The following PRDM16 variants were observed in gnomAD, a reference collection of about 807,000 sequenced individuals.
PRDM16 encodes the protein PR/SET domain 16.
Under a neutral mutation model 110.6 loss-of-function variants are expected in PRDM16, and 23 were observed. The ratio of observed to expected loss-of-function variants is 0.21; its 90% CI spans 0.15 to 0.29. PRDM16 has a LOEUF of 0.29. Ranked by LOEUF, PRDM16 falls within the 10% of genes least tolerant of loss-of-function variation. The pLI, the probability that PRDM16 is intolerant of heterozygous loss-of-function variation, is 1.00. For synonymous variants in PRDM16, 799 were observed against 781.8 expected (o/e 1.02, Z -0.37); for missense variants, 1,615 against 1,794.3 (o/e 0.90, Z 1.81).
At chr1:3,238,561 A>G (rs1005655037) in intron 2 of PRDM16, among the ~76,000 whole-genome samples, 1 of 152,224 alleles carries the variant, frequency 6.6e-6, no homozygotes, top group Admixed American at 6.5e-5. Context: ...TGAGAGCGCA[A>G]GGGTTTGTGT....
chr1:3,433,504 C>T (rs544300341), intron 16 of PRDM16, among the ~76,000 whole-genome samples, 173 bp from the exon 17 acceptor site: 2 of 145,354 alleles, frequency 1.4e-5, no homozygotes, highest in Non-Finnish European at 3.0e-5. Flanking sequence ...GGATGGCCCG[C>T]CCTGCCCACG....
chr1:3,161,324 G>A (rs924920207), intron 1 of PRDM16, among the ~76,000 whole-genome samples: 9 of 152,240 alleles, frequency 5.9e-5, no homozygotes, highest in Admixed American at 5.2e-4. Flanking sequence ...CAGAGCCGGG[G>A]AGGGTTCTTT....
At chr1:3,202,940 T>C (rs557911522) in intron 2 of PRDM16, among the ~76,000 whole-genome samples, 6 of 152,238 alleles carry the variant, frequency 3.9e-5, no homozygotes, top group African/African-American at 1.4e-4. Flanking sequence ...AACGTGGCGG[T>C]TGGTGTGGGG....
chr1:3,296,113 CCACTCCGAGGGTCTCACTTCCTTA>C (rs1474319063), intron 3 of PRDM16, among the ~76,000 whole-genome samples: 1 of 152,188 alleles, frequency 6.6e-6, no homozygotes, highest in Admixed American at 6.5e-5. Flanking sequence ...CTGCTCAGAT[CCACTCCGAGGGTCTCACTTCCTTA>C]CGTTCCGGAA....
In PRDM16 at chr1:3,229,673, C is replaced by T. The variant is rs141502389; in HGVS notation, c.388-14414C>T. Among the ~76,000 whole-genome samples the T allele has an allele frequency of 2.4e-3, 364 of 152,296 alleles. 1 individual carries two copies. Among genetic ancestry groups the T allele is most frequent in the Non-Finnish European group, 3.7e-3 (253 of 68,018 alleles). ...TCACTGAACCTGCTGTCCGTGCTGA[C>T]CTCCTGCAGCTGGAGACAAACCAGG... On this transcript the variant is annotated intron_variant, in intron 2 of 16. Transcript: ENST00000270722.
At chr1:3,402,718 T>A in intron 5 of PRDM16, 73 bp from the exon 6 acceptor site, 1 of 1,365,328 alleles carries the variant, frequency 7.3e-7, no homozygotes, top group Non-Finnish European at 1.0e-6. Flanking sequence ...GGGGGCCAGG[T>A]CTCCAGAGTC....
At chr1:3,163,710 G>A (rs1444064405) in intron 1 of PRDM16, among the ~76,000 whole-genome samples, 4 of 152,276 alleles carry the variant, frequency 2.6e-5, no homozygotes, top group Middle Eastern at 6.8e-3. Flanking sequence ...CATCTTTGGC[G>A]TTCCCTAGTT....
chr1:3,311,139 C>T (rs1319135984), intron 3 of PRDM16, among the ~76,000 whole-genome samples: 2 of 152,176 alleles, frequency 1.3e-5, no homozygotes, highest in Non-Finnish European at 2.9e-5. Flanking sequence ...AGGGTTAACC[C>T]GCCGAGGGCT....
rs146285392 is a variant in PRDM16, at chr1:3,246,477, C to T, written c.438+2340C>T. ...CAGCGCAGGGTACCAGAGCCAGCAT[C>T]GGGGGCGTTGGTGGGCGGTCCTGTC... On this transcript the variant is annotated intron_variant, in intron 3 of 16. Transcript: ENST00000270722. This position sits in a 1 kb window ranked among gnomAD's most constrained non-coding sequence, Gnocchi z 5.2. Among the ~76,000 whole-genome samples the T allele has an allele frequency of 0.01, 1,586 of 152,300 alleles. 10 individuals carry two copies. The highest frequency in any genetic ancestry group is 0.016 in the South Asian group (75 of 4,818).
intron 1 of PRDM16, among the ~76,000 whole-genome samples, chr1:3,123,163 G>A (rs184750453): frequency 2.0e-5 from 3 of 152,340 alleles, no homozygotes; most frequent in Non-Finnish European, 2.9e-5. Context: ...AGCCTTCGGC[G>A]CTCCCCTCTT....
chr1:3,432,083 T>C lies in PRDM16; in HGVS notation c.3639T>C (p.Asn1213=). ...EEAFEVKDVL[N]STLDSEALKH... is the part of the protein sequence containing the mutation. ...CATTTGAAGTTAAAGATGTGCTTAA[T>C]TCCACCTTAGATTCTGAGGCTTTAA... The change falls in exon 16 of 17, where the codon AAT becomes AAC. Residue 1213 remains asparagine (N), a synonymous_variant. Coordinates refer to ENST00000270722, the MANE Select transcript of PRDM16 (RefSeq NM_022114.4). 6.2e-7 allele frequency: 1 copy of C among 1,614,106 alleles called. No individual in the cohort carries two copies. Among genetic ancestry groups the C allele is most frequent in the African/African-American group, 1.3e-5 (1 of 75,062 alleles).
At chr1:3,205,513 A>G (rs1638733917) in intron 2 of PRDM16, among the ~76,000 whole-genome samples, 3 of 152,220 alleles carry the variant, frequency 2.0e-5, no homozygotes, top group Admixed American at 2.0e-4. Context: ...AAGGCCAGGA[A>G]AACAGAGGTG....
rs1429007821 is a variant in PRDM16 at position 3,164,170 on chromosome 1, C to T, written c.38-21955C>T. On this transcript the variant is annotated intron_variant, in intron 1 of 16. Transcript: ENST00000270722. The stretch of plus-strand genomic sequence containing the variant: ...ACACACCATGCAAACGTCCGGCCAG[C>T]GGCTTAAGTATAAAGCGTGAGAAAC... Among the ~76,000 whole-genome samples the T allele has an allele frequency of 4.6e-5, 7 of 152,232 alleles. No homozygotes were observed. In the East Asian group the frequency reaches 7.7e-4, roughly 17 times the overall value.
rs1255423255 is a variant in PRDM16 at position 3,367,862 on chromosome 1, A to G, written c.439-17290A>G. Reference sequence around the variant, plus strand: ...AATCGAAAAGGCAAGCTTGTCTTCAAAAGAAGGCATTTGAGGAAGAATCAA... The same window carrying G: ...AATCGAAAAGGCAAGCTTGTCTTCAGAAGAAGGCATTTGAGGAAGAATCAA... On this transcript the variant is annotated intron_variant, in intron 3 of 16. Coordinates refer to ENST00000270722, the MANE Select transcript of PRDM16 (RefSeq NM_022114.4). Among the ~76,000 whole-genome samples, 6 of 152,256 alleles carry G rather than the reference A, an allele frequency of 3.9e-5. No individual in the cohort carries two copies. In the South Asian group the frequency reaches 8.3e-4, roughly 21 times the overall value.
At position 3,425,887 on chromosome 1, in the gene PRDM16, C is replaced by T. The variant is rs1181662837; in HGVS notation, c.3109+137C>T. The stretch of plus-strand genomic sequence containing the variant: ...CTACCCCTCAGGAAGCCAACAGGCA[C>T]CCCTCAAACCGTGGTCATTAAAGAG... On this transcript the variant is annotated intron_variant, in intron 13 of 16. Transcript: ENST00000270722. The surrounding 1 kb of genome is among the most constrained non-coding windows in gnomAD (Gnocchi z 6.9). The T allele has an allele frequency of 4.7e-6, 6 of 1,270,220 alleles. No homozygotes were observed. Among genetic ancestry groups the T allele is most frequent in the Non-Finnish European group, 5.4e-6 (5 of 922,888 alleles). The allele number at this position is 1,270,220 out of a possible 1,614,324, so 78.7% of individuals were successfully genotyped here. A position where few individuals can be genotyped will look rare whatever the true frequency, so the allele number is the denominator to read the frequency against.
chr1:3,376,494 C>A (rs899698085), intron 3 of PRDM16, among the ~76,000 whole-genome samples: 1 of 152,122 alleles, frequency 6.6e-6, no homozygotes, highest in South Asian at 2.1e-4. Context: ...CCTCATCTCT[C>A]CCCCAGCACG....
rs566964425 is a variant in PRDM16 at position 3,213,158 on chromosome 1, C to T, written c.387+26684C>T. ...TCCTCTGCCAAAAAAGGAAATGCCA[C>T]CGCCAACAGCAACAGAAACACAGAT... On this transcript the variant is annotated intron_variant, in intron 2 of 16. Transcript: ENST00000270722. This position sits in a 1 kb window ranked among gnomAD's most constrained non-coding sequence, Gnocchi z 5.3. 4.6e-5 allele frequency among the ~76,000 whole-genome samples: 7 copies of T among 152,218 alleles called. No homozygotes were observed. The highest frequency in any genetic ancestry group is 7.2e-5 in the African/African-American group (3 of 41,458).
chr1:3,113,322 C>T (rs920651341), intron 1 of PRDM16, among the ~76,000 whole-genome samples: 4 of 152,170 alleles, frequency 2.6e-5, no homozygotes, highest in South Asian at 2.1e-4. Flanking sequence ...GGAGACAGGA[C>T]GGCTAGGGGA....
chr1:3,312,101 G>A (rs1641475534), intron 3 of PRDM16, among the ~76,000 whole-genome samples: 1 of 152,186 alleles, frequency 6.6e-6, no homozygotes, highest in African/African-American at 2.4e-5. Context: ...GCGACACCCT[G>A]CTCTCTGATC....
Sources: allele counts gnomAD v4.1 joint callset (sites outside exome capture counted in the v4.1 genomes callset), GRCh38; gene constraint gnomAD v4.1.1; non-coding constraint Gnocchi (gnomAD v3.1); transcripts MANE v1.5; gene names NCBI Gene and HGNC (gene_info 2026-07-23, HGNC 2026-07-21).